Variants in EDA observed in about 807,000 individuals in gnomAD.
EDA encodes ectodysplasin A, also known as ectodysplasin-A.
Under a neutral mutation model 23.6 loss-of-function variants are expected in EDA, and 2 were observed. The observed-to-expected ratio is 0.08, with a 90% CI of 0.03 to 0.27. EDA has a LOEUF of 0.27. Among genes scored for constraint, EDA ranks in the 10% least tolerant of loss-of-function variants. The pLI is 1.00. For synonymous variants in EDA, 131 were observed against 132.0 expected (o/e 0.99, Z 0.05); for missense variants, 229 against 324.2 (o/e 0.71, Z 2.26).
intron 1 of EDA, among the ~76,000 whole-genome samples, chrX:69,926,885 T>A (rs1224437274): frequency 8.9e-6 from 1 of 111,996 alleles, no homozygotes; most frequent in African/African-American, 3.2e-5. Context: ...TATTGTTGCA[T>A]TGTTGCCTTT....
intron 1 of EDA, among the ~76,000 whole-genome samples, chrX:69,635,653 C>T (rs1455315744): frequency 2.0e-5 from 2 of 102,195 alleles, no homozygotes; most frequent in Non-Finnish European, 3.9e-5. Flanking sequence ...ACTGCAACCT[C>T]TGCCTTCTGG....
intron 2 of EDA, among the ~76,000 whole-genome samples, chrX:69,978,517 A>AAAAAT (rs57210157): frequency 0.064 from 6,556 of 103,213 alleles, 594 homozygotes; most frequent in East Asian, 0.51. Flanking sequence ...AAAAAAAAAA[A>AAAAAT]AAAGAAAGAA....
chrX:69,644,622 T>A (rs1364948568), intron 1 of EDA, among the ~76,000 whole-genome samples: 1 of 111,013 alleles, frequency 9.0e-6, no homozygotes, highest in Non-Finnish European at 1.9e-5. Context: ...TCTTGCCTGA[T>A]TGCCCTGGAC....
At chrX:69,642,496 T>C (rs987458404) in intron 1 of EDA, among the ~76,000 whole-genome samples, 40 of 111,001 alleles carry the variant, frequency 3.6e-4, no homozygotes, top group Non-Finnish European at 3.4e-4. Context: ...TTTATTCTTA[T>C]AAAGAACCAA....
chrX:69,828,397 T>G (rs2016517175), intron 1 of EDA, among the ~76,000 whole-genome samples: 1 of 112,327 alleles, frequency 8.9e-6, no homozygotes, highest in Non-Finnish European at 1.9e-5. Context: ...GGATATAATC[T>G]CCTGATGCAC....
intron 1 of EDA, among the ~76,000 whole-genome samples, chrX:69,886,643 T>G (rs1042192041): frequency 5.4e-5 from 6 of 110,937 alleles, no homozygotes; most frequent in Non-Finnish European, 1.9e-5. Context: ...GGGCCCTGAA[T>G]TGGGTGCTCA....
At position 70,037,225 on chromosome X, in the gene EDA, C is replaced by T. The variant is rs1344065424; in HGVS notation, c.*1616C>T. On this transcript the variant is annotated 3_prime_UTR_variant, in exon 8 of 8. Transcript: ENST00000374552. Reference sequence around the variant, plus strand: ...TCAGGCAGCTGAAATTCACCAAGAACAGCGGGTACTTATTTCTCAGCTGTG... The same window carrying T: ...TCAGGCAGCTGAAATTCACCAAGAATAGCGGGTACTTATTTCTCAGCTGTG... The T allele has an allele frequency of 8.9e-6, 1 of 112,142 alleles. No homozygotes were observed. The highest frequency in any genetic ancestry group is 1.9e-5 in the Non-Finnish European group (1 of 53,232). The allele number at this position is 112,142 out of a possible 1,213,427, so 9.2% of individuals were successfully genotyped here. A position where few individuals can be genotyped will look rare whatever the true frequency, so the allele number is the denominator to read the frequency against.
At chrX:69,640,417 T>C (rs1286018459) in intron 1 of EDA, among the ~76,000 whole-genome samples, 1 of 111,821 alleles carries the variant, frequency 8.9e-6, no homozygotes, top group Non-Finnish European at 1.9e-5. Context: ...TTCTATTAAT[T>C]GTAGAACTCC....
At chrX:70,023,123 A>T in intron 2 of EDA, 95 bp from the exon 3 acceptor site, 1 of 516,085 alleles carries the variant, frequency 1.9e-6, no homozygotes, top group Non-Finnish European at 3.1e-6. Flanking sequence ...TCAAATTTGC[A>T]GTGTCTTGGG....
intron 2 of EDA, among the ~76,000 whole-genome samples, chrX:70,022,548 G>A (rs985137865): frequency 9.1e-6 from 1 of 109,468 alleles, no homozygotes; most frequent in African/African-American, 3.3e-5. Flanking sequence ...GTGTTAGCCA[G>A]GATGGTCTTG....
At chrX:70,031,121 A>G (rs2020192789) in intron 6 of EDA, among the ~76,000 whole-genome samples, 1 of 112,526 alleles carries the variant, frequency 8.9e-6, no homozygotes, top group African/African-American at 3.2e-5. Flanking sequence ...TTTGTACGAT[A>G]CTTTAGAGTT....
At chrX:69,980,392 G>GT (rs2019388003) in intron 2 of EDA, among the ~76,000 whole-genome samples, 1 of 112,096 alleles carries the variant, frequency 8.9e-6, no homozygotes, top group African/African-American at 3.2e-5. Context: ...TAAGTATTCT[G>GT]TAACACTTAG....
At chrX:69,726,028 G>A (rs998378222) in intron 1 of EDA, among the ~76,000 whole-genome samples, 4 of 111,617 alleles carry the variant, frequency 3.6e-5, no homozygotes, top group Admixed American at 1.9e-4. Flanking sequence ...GGGTTTCAGC[G>A]GTCTCACAGG....
chrX:69,726,238 A>G (rs901603803), intron 1 of EDA, among the ~76,000 whole-genome samples: 6 of 112,323 alleles, frequency 5.3e-5, no homozygotes, highest in Admixed American at 3.8e-4. Flanking sequence ...TACAATGCTT[A>G]GTAGTTAAGC....
At chrX:69,873,837 G>C (rs767336891) in intron 1 of EDA, among the ~76,000 whole-genome samples, 1 of 111,938 alleles carries the variant, frequency 8.9e-6, no homozygotes, top group Non-Finnish European at 1.9e-5. Flanking sequence ...TATGAAGCCA[G>C]TATCACCCTA....
At position 69,902,061 on chromosome X, in the gene EDA, G is replaced by A. The variant is rs932706546; in HGVS notation, c.397-54966G>A. On this transcript the variant is annotated intron_variant, in intron 1 of 7. Transcript: ENST00000374552. ...TTAATGTGCTTCTTATTTGACCAGG[G>A]CATTAGAAAGCTGTAAAATTGTGCT... Among the ~76,000 whole-genome samples the A allele has an allele frequency of 2.7e-5, 3 of 111,886 alleles. No homozygotes were observed. In the East Asian group the frequency reaches 8.4e-4, roughly 31 times the overall value.
rs761960515 is a variant in EDA, at chrX:69,941,188, A to G, written c.397-15839A>G. 6.2e-5 allele frequency among the ~76,000 whole-genome samples: 7 copies of G among 112,144 alleles called. No homozygotes were observed. In the East Asian group the frequency reaches 1.1e-3, roughly 18 times the overall value. On this transcript the variant is annotated intron_variant, in intron 1 of 7. Coordinates refer to ENST00000374552, the MANE Select transcript of EDA (RefSeq NM_001399.5). ...TTTAAGACTTCTCTTGTGGCCTAAC[A>G]TATGGTCTATCCTTGAGAATGATCC...
chrX:69,803,995 C>A (rs1569337953), intron 1 of EDA, among the ~76,000 whole-genome samples: 1 of 110,797 alleles, frequency 9.0e-6, no homozygotes, highest in Non-Finnish European at 1.9e-5. Flanking sequence ...GATTTTCATT[C>A]TTTTTTATGG....
intron 1 of EDA, among the ~76,000 whole-genome samples, chrX:69,916,396 CTTTTTTT>C (rs782071176): frequency 5.2e-5 from 3 of 58,150 alleles, no homozygotes; most frequent in Admixed American, 4.6e-4. Flanking sequence ...CTCTACTGTT[CTTTTTTT>C]TTTTTTTTTT....
Sources: gnomAD v4.1 joint callset for allele counts (sites outside exome capture counted in the v4.1 genomes callset) on GRCh38, gnomAD v4.1.1 for gene constraint, MANE v1.5 for transcripts, NCBI Gene and HGNC (gene_info 2026-07-23, HGNC 2026-07-21) for gene names.